The following UBA2 variants were observed in gnomAD, a reference collection of about 807,000 sequenced individuals.
The protein encoded by UBA2 is SUMO-activating enzyme subunit 2.
In UBA2, 11 loss-of-function variants were observed where a neutral mutation model predicts 77.2. The ratio of observed to expected loss-of-function variants is 0.14; its 90% CI spans 0.09 to 0.24. UBA2 has a LOEUF of 0.24. Among genes scored for constraint, UBA2 ranks in the 10% least tolerant of loss-of-function variants. The pLI is 1.00. For synonymous variants in UBA2, 278 were observed against 276.7 expected (o/e 1.00, Z -0.05); for missense variants, 487 against 781.7 (o/e 0.62, Z 4.50).
chr19:34,433,460 A>G (rs1469273099), intron 4 of UBA2, 48 bp downstream of exon 4: 10 of 1,233,630 alleles, frequency 8.1e-6, no homozygotes, highest in African/African-American at 1.5e-5. Context: ...CCTCTCTCCC[A>G]TATCAAATTT....
intron 8 of UBA2, among the ~76,000 whole-genome samples, chr19:34,449,790 C>G (rs1281248602): frequency 2.0e-5 from 3 of 152,100 alleles, no homozygotes; most frequent in African/African-American, 7.2e-5. Flanking sequence ...TTCAGAAGTT[C>G]TGTTGTGAAG....
chr19:34,441,092 A>G (rs970001549), intron 6 of UBA2, among the ~76,000 whole-genome samples: 2 of 152,212 alleles, frequency 1.3e-5, no homozygotes, highest in Non-Finnish European at 2.9e-5. Flanking sequence ...GTTTTCATAG[A>G]TACAGAGAAA....
rs1261346455 is a variant in UBA2 at position 34,470,494 on chromosome 19, TAAATA to T, written c.*1281_*1285del. 1.3e-5 allele frequency: 2 copies of T among 152,114 alleles called. No homozygotes were observed. The allele number at this position is 152,114 out of a possible 1,614,324, so 9.4% of individuals were successfully genotyped here. A position where few individuals can be genotyped will look rare whatever the true frequency, so the allele number is the denominator to read the frequency against. On this transcript the variant is annotated 3_prime_UTR_variant, in exon 17 of 17. Coordinates refer to ENST00000246548, the MANE Select transcript of UBA2 (RefSeq NM_005499.3). Reference sequence around the variant, plus strand: ...CAAGACCCTGTCTCTAAAAAATAAGTAAATAAAATAAAGCTTTTAATGGCAGTGGG... The same window carrying T: ...CAAGACCCTGTCTCTAAAAAATAAGTAAATAAAGCTTTTAATGGCAGTGGG...
chr19:34,436,506 T>C (rs2075310502), intron 5 of UBA2, among the ~76,000 whole-genome samples: 1 of 151,954 alleles, frequency 6.6e-6, no homozygotes, highest in Non-Finnish European at 1.5e-5. Flanking sequence ...TCTATGTTGG[T>C]CAGGCTGGTC....
intron 6 of UBA2, among the ~76,000 whole-genome samples, chr19:34,441,297 T>TA (rs940069924): frequency 6.0e-5 from 9 of 150,756 alleles, no homozygotes; most frequent in African/African-American, 2.0e-4. Context: ...CTACTACAAA[T>TA]AAAAAAAATT....
At chr19:34,468,043 T>C (rs1433398304) in intron 16 of UBA2, among the ~76,000 whole-genome samples, 1 of 152,196 alleles carries the variant, frequency 6.6e-6, no homozygotes, top group East Asian at 1.9e-4. Context: ...TTGGGTATAG[T>C]CCTTTCCCCT....
intron 15 of UBA2, among the ~76,000 whole-genome samples, chr19:34,465,320 T>A (rs1210012460): frequency 6.6e-6 from 1 of 152,182 alleles, no homozygotes; most frequent in African/African-American, 2.4e-5. Context: ...CTACATTTCA[T>A]ACTTTGTTTA....
At chr19:34,467,085 G>T in intron 16 of UBA2, 71 bp downstream of exon 16, 2 of 1,553,678 alleles carry the variant, frequency 1.3e-6, no homozygotes, top group South Asian at 1.1e-5. Flanking sequence ...TGATTATTAG[G>T]AACATTGACC....
rs116438851 is a variant in UBA2, at chr19:34,440,660, G to A, written c.581+1894G>A. ...AGCATATCCTGGGAATGGGCGCAGT[G>A]TATCATGCCTGTAATCTCAGCACTT... is the stretch of plus-strand genomic sequence containing the variant. On this transcript the variant is annotated intron_variant, in intron 6 of 16. Transcript: ENST00000246548. Among the ~76,000 whole-genome samples, 192 of 152,318 alleles carry A rather than the reference G, an allele frequency of 1.3e-3. 1 individual carries two copies. Among genetic ancestry groups the A allele is most frequent in the African/African-American group, 3.9e-3 (161 of 41,576 alleles).
intron 6 of UBA2, among the ~76,000 whole-genome samples, chr19:34,439,397 C>G (rs1429238079): frequency 6.6e-6 from 1 of 152,110 alleles, no homozygotes; most frequent in Non-Finnish European, 1.5e-5. Context: ...GATGAAAATG[C>G]TATACCAGAA....
At chr19:34,463,992 T>C (rs750137889) in intron 14 of UBA2, 34 bp from the exon 15 acceptor site, 3 of 1,423,114 alleles carry the variant, frequency 2.1e-6, no homozygotes, top group Non-Finnish European at 3.0e-6. Flanking sequence ...TATGAAGATG[T>C]AACTGAAGTA....
chr19:34,453,517 C>CTT lies in UBA2; in HGVS notation c.1039-724_1039-723dup, dbSNP rs560242991. Among the ~76,000 whole-genome samples, 49 of 127,308 alleles carry CTT rather than the reference C, an allele frequency of 3.8e-4. 1 individual carries two copies. The highest frequency in any genetic ancestry group is 9.8e-4 in the Admixed American group (12 of 12,242). 83.5% of individuals were successfully genotyped at this position (127,308 alleles called of 152,430 possible). A position where few individuals can be genotyped will look rare whatever the true frequency, so the allele number is the denominator to read the frequency against. ...TTTTTCTGAAGTGTTAATGAAACAG[C>CTT]TTTTTTTTTTTTTTTTTTTTAATTG... On this transcript the variant is annotated intron_variant, in intron 10 of 16. Coordinates refer to ENST00000246548, the MANE Select transcript of UBA2 (RefSeq NM_005499.3).
At chr19:34,468,131 C>T (rs2075706882) in intron 16 of UBA2, among the ~76,000 whole-genome samples, 1 of 152,172 alleles carries the variant, frequency 6.6e-6, no homozygotes, top group Admixed American at 6.5e-5. Flanking sequence ...ATTTACTCCT[C>T]TCCCTTTCTT....
rs1019056480 is a variant in UBA2 at position 34,428,411 on chromosome 19, C to T, written c.-22C>T. ...TCGGTTCTCCCGCCTCCGCCTCCGC[C>T]GCGGCTCGTGGTTGTCCCGCCATGG... On this transcript the variant is annotated 5_prime_UTR_variant, in exon 1 of 17. Coordinates refer to ENST00000246548, the MANE Select transcript of UBA2 (RefSeq NM_005499.3). The T allele has an allele frequency of 3.2e-6, 4 of 1,245,218 alleles. No individual in the cohort carries two copies. The highest frequency in any genetic ancestry group is 1.5e-5 in the African/African-American group (1 of 65,180). The allele number at this position is 1,245,218 out of a possible 1,614,324, so 77.1% of individuals were successfully genotyped here. A position where few individuals can be genotyped will look rare whatever the true frequency, so the allele number is the denominator to read the frequency against.
chr19:34,434,254 A>G lies in UBA2; in HGVS notation c.359-614A>G, dbSNP rs544238987. ...AACCTCTGCAGTAGCTACTCTGCAG[A>G]CAGGTACCACCATACCCGGCTAATT... On this transcript the variant is annotated intron_variant, in intron 4 of 16. Transcript: ENST00000246548. Among the ~76,000 whole-genome samples, 219 of 152,212 alleles carry G rather than the reference A, an allele frequency of 1.4e-3. 5 individuals are homozygous for G. Among genetic ancestry groups the G allele is most frequent in the African/African-American group, 5.0e-3 (207 of 41,528 alleles).
chr19:34,452,103 C>G lies in UBA2; in HGVS notation c.994C>G (p.His332Asp), dbSNP rs371323093. Residue 332 changes from histidine (H) to aspartate (D), a missense_variant, in exon 10 of 17, where the codon CAT becomes GAT. Transcript: ENST00000246548. Reference protein sequence around the residue: ...FSKSIETLRVHLAEKGDGAEL... With the variant: ...FSKSIETLRVDLAEKGDGAEL... ...AAAGAGCATCGAGACTTTGAGAGTT[C>G]ATTTAGCAGAAAAGGGGGATGGAGC... is the stretch of plus-strand genomic sequence containing the variant. 36 of 1,608,930 alleles carry G rather than the reference C, an allele frequency of 2.2e-5. No individual in the cohort carries two copies. The highest frequency in any genetic ancestry group is 5.3e-5 in the African/African-American group (4 of 74,780).
At chr19:34,443,565 C>T (rs1319099530) in intron 6 of UBA2, among the ~76,000 whole-genome samples, 7 of 151,526 alleles carry the variant, frequency 4.6e-5, no homozygotes, top group Admixed American at 3.3e-4. Flanking sequence ...CCTCAGCTTC[C>T]CGAGTAGCTG....
chr19:34,438,333 T>C lies in UBA2; in HGVS notation c.460-312T>C, dbSNP rs796935522. 2.3e-4 allele frequency among the ~76,000 whole-genome samples: 35 copies of C among 152,340 alleles called. 1 individual carries two copies. Among genetic ancestry groups the C allele is most frequent in the African/African-American group, 7.7e-4 (32 of 41,582 alleles). ...GCTGCTGTTTGTCTTTCCAGTAGTT[T>C]TTCTGTTTAGTGTGATCAAGGTAAA... is the stretch of plus-strand genomic sequence containing the variant. On this transcript the variant is annotated intron_variant, in intron 5 of 16. Coordinates refer to ENST00000246548, the MANE Select transcript of UBA2 (RefSeq NM_005499.3).
rs552658195 is a variant in UBA2, at chr19:34,429,241, A to G, written c.138+671A>G. The G allele has an allele frequency of 3.1e-5, 31 of 985,426 alleles. No homozygotes were observed. In the South Asian group the frequency reaches 1.3e-3, roughly 42 times the overall value. 61.0% of individuals were successfully genotyped at this position (985,426 alleles called of 1,614,324 possible). A position where few individuals can be genotyped will look rare whatever the true frequency, so the allele number is the denominator to read the frequency against. On this transcript the variant is annotated intron_variant, in intron 1 of 16. Coordinates refer to ENST00000246548, the MANE Select transcript of UBA2 (RefSeq NM_005499.3). ...AGTAGACGGTACACTCGCTTGTTTC[A>G]TTAAAGACGTTAGGACTGTGCCTTT...
Sources: gnomAD v4.1 joint callset for allele counts (sites outside exome capture counted in the v4.1 genomes callset) on GRCh38, gnomAD v4.1.1 for gene constraint, MANE v1.5 for transcripts, NCBI Gene and HGNC (gene_info 2026-07-23, HGNC 2026-07-21) for gene names.